Variants in SGCZ observed in about 807,000 individuals in gnomAD.
The protein encoded by SGCZ is sarcoglycan zeta, also known as zeta-sarcoglycan.
Under a neutral mutation model 41.3 loss-of-function variants are expected in SGCZ, and 40 were observed. That is an observed-to-expected ratio of 0.97 (90% CI 0.75 to 1.26). The LOEUF (loss-of-function observed/expected upper bound fraction) is 1.26. Ranked by LOEUF, SGCZ falls within the 50% of genes most tolerant of loss-of-function variation. The pLI is 0.00. For missense variants in SGCZ, 552 were observed against 369.8 expected, an observed-to-expected ratio of 1.49 and a Z score of -4.04; for synonymous variants, 206 against 137.5, an observed-to-expected ratio of 1.50 and a Z score of -3.49.
At chr8:14,894,280 G>T (rs1805118101) in intron 1 of SGCZ, among the ~76,000 whole-genome samples, 1 of 151,736 alleles carries the variant, frequency 6.6e-6, no homozygotes, top group East Asian at 1.9e-4. Flanking sequence ...GTTAATGAAT[G>T]GTTCTCCCAT....
intron 1 of SGCZ, among the ~76,000 whole-genome samples, chr8:14,794,755 G>T (rs1801070728): frequency 6.6e-6 from 1 of 152,136 alleles, no homozygotes; most frequent in African/African-American, 2.4e-5. Context: ...TTCAGAACTT[G>T]GTTATAAAGA....
intron 1 of SGCZ, among the ~76,000 whole-genome samples, chr8:14,882,277 C>A (rs1040576852): frequency 4.6e-5 from 7 of 152,088 alleles, no homozygotes; most frequent in Admixed American, 2.6e-4. Context: ...CTTGAGGGAA[C>A]CTTTGGGAAG....
At chr8:15,237,279 G>C (rs984672983) in intron 1 of SGCZ, among the ~76,000 whole-genome samples, 14 of 152,054 alleles carry the variant, frequency 9.2e-5, no homozygotes, top group Non-Finnish European at 1.6e-4. Flanking sequence ...GAGCCGGCAA[G>C]AGGCGCAGGG....
chr8:15,199,324 A>AG (rs903428038), intron 1 of SGCZ, among the ~76,000 whole-genome samples: 8 of 152,236 alleles, frequency 5.3e-5, no homozygotes, highest in Admixed American at 1.3e-4. Context: ...GCTCACTTTC[A>AG]GTCTAGACCA....
At chr8:14,534,040 G>C (rs984338775) in intron 2 of SGCZ, among the ~76,000 whole-genome samples, 3 of 152,016 alleles carry the variant, frequency 2.0e-5, no homozygotes, top group Non-Finnish European at 4.4e-5. Flanking sequence ...CTCTACAGGA[G>C]CTGCAGCAAT....
intron 2 of SGCZ, among the ~76,000 whole-genome samples, chr8:14,469,595 G>A (rs1183223650): frequency 6.6e-6 from 1 of 151,906 alleles, no homozygotes; most frequent in Non-Finnish European, 1.5e-5. Context: ...GCTACTGATG[G>A]AATGATGGCC....
At chr8:14,178,174 G>A (rs1003704216) in intron 4 of SGCZ, among the ~76,000 whole-genome samples, 1 of 151,158 alleles carries the variant, frequency 6.6e-6, no homozygotes, top group African/African-American at 2.4e-5. Flanking sequence ...GGCTGGTCTC[G>A]AACTCCTAAC....
chr8:15,155,697 T>C (rs1391309064), intron 1 of SGCZ, among the ~76,000 whole-genome samples: 1 of 152,180 alleles, frequency 6.6e-6, no homozygotes, highest in Non-Finnish European at 1.5e-5. Flanking sequence ...ATATAATTGA[T>C]CACCATGCAA....
chr8:14,110,962 G>A (rs1331073557), intron 5 of SGCZ, among the ~76,000 whole-genome samples: 1 of 151,996 alleles, frequency 6.6e-6, no homozygotes, highest in Non-Finnish European at 1.5e-5. Context: ...GCTGAGGCAG[G>A]AGAATAGTTT....
At chr8:15,076,972 G>A (rs1472758718) in intron 1 of SGCZ, among the ~76,000 whole-genome samples, 1 of 152,160 alleles carries the variant, frequency 6.6e-6, no homozygotes, top group African/African-American at 2.4e-5. Context: ...GATTTGACAA[G>A]TTGCGCTTTT....
intron 1 of SGCZ, among the ~76,000 whole-genome samples, chr8:14,734,413 T>A (rs1164186942): frequency 6.6e-6 from 1 of 152,206 alleles, no homozygotes; most frequent in Admixed American, 6.6e-5. Flanking sequence ...AGAAGTGCTA[T>A]GATACAAATT....
At chr8:14,816,679 G>T (rs963140367) in intron 1 of SGCZ, among the ~76,000 whole-genome samples, 3 of 152,020 alleles carry the variant, frequency 2.0e-5, no homozygotes, top group African/African-American at 7.3e-5. Flanking sequence ...TAAAATCACA[G>T]AATAATTTGG....
intron 1 of SGCZ, among the ~76,000 whole-genome samples, chr8:14,788,669 T>A (rs184072716): frequency 6.6e-6 from 1 of 152,210 alleles, no homozygotes; most frequent in Non-Finnish European, 1.5e-5. Context: ...AATAAATACA[T>A]CCACTCTTTT....
At chr8:14,485,080 G>A (rs557579245) in intron 2 of SGCZ, among the ~76,000 whole-genome samples, 12 of 152,248 alleles carry the variant, frequency 7.9e-5, no homozygotes, top group Admixed American at 2.0e-4. Flanking sequence ...GTCATGGAAG[G>A]CACTGAGACA....
intron 1 of SGCZ, among the ~76,000 whole-genome samples, chr8:14,590,493 C>A (rs1047529651): frequency 2.6e-5 from 4 of 151,248 alleles, no homozygotes; most frequent in African/African-American, 9.7e-5. Context: ...TACTCAGATA[C>A]GTGATATTAA....
At chr8:14,149,329 T>C (rs1489602746) in intron 5 of SGCZ, among the ~76,000 whole-genome samples, 1 of 151,998 alleles carries the variant, frequency 6.6e-6, no homozygotes, top group Non-Finnish European at 1.5e-5. Flanking sequence ...ATTTATGGAA[T>C]TTGCAGGACA....
At chr8:14,587,232 C>T (rs1805088547) in intron 1 of SGCZ, among the ~76,000 whole-genome samples, 1 of 151,812 alleles carries the variant, frequency 6.6e-6, no homozygotes, top group African/African-American at 2.4e-5. Context: ...TTCAACCAAA[C>T]TTCTACTATA....
chr8:15,166,926 A>G (rs1316605388), intron 1 of SGCZ, among the ~76,000 whole-genome samples: 1 of 152,240 alleles, frequency 6.6e-6, no homozygotes, highest in Non-Finnish European at 1.5e-5. Context: ...ATGAATATCA[A>G]GCAAAACTCG....
intron 1 of SGCZ, among the ~76,000 whole-genome samples, chr8:14,564,566 T>C (rs1052168130): frequency 6.6e-6 from 1 of 152,176 alleles, no homozygotes; most frequent in Non-Finnish European, 1.5e-5. Flanking sequence ...TAAAGTACTC[T>C]TTTCATTTTA....
Sources: allele counts gnomAD v4.1 joint callset (sites outside exome capture counted in the v4.1 genomes callset), GRCh38; gene constraint gnomAD v4.1.1; transcripts MANE v1.5; gene names NCBI Gene and HGNC (gene_info 2026-07-23, HGNC 2026-07-21).